Variants in PDIA6 observed in about 807,000 individuals in gnomAD.
The protein encoded by PDIA6 is protein disulfide isomerase family A member 6.
Under a neutral mutation model 58.4 loss-of-function variants are expected in PDIA6, and 29 were observed. The ratio of observed to expected loss-of-function variants is 0.50; its 90% CI spans 0.37 to 0.68. The LOEUF (loss-of-function observed/expected upper bound fraction) is 0.68, where lower values mean the gene tolerates loss of function less well. PDIA6 is among the 30% of genes least tolerant of loss of function. The pLI is 0.00. For missense variants in PDIA6, 480 were observed against 551.0 expected (o/e 0.87, Z 1.29); for synonymous variants, 192 against 202.6 (o/e 0.95, Z 0.44).
upstream of PDIA6, among the ~76,000 whole-genome samples, chr2:10,833,895 G>A (rs1274894492): frequency 6.6e-6 from 1 of 152,228 alleles, no homozygotes; most frequent in Non-Finnish European, 1.5e-5. Context: ...CTGGTTATTG[G>A]AAGCCCCAGA....
At chr2:10,810,747 T>C (rs1666970521) in intron 1 of PDIA6, among the ~76,000 whole-genome samples, 1 of 152,082 alleles carries the variant, frequency 6.6e-6, no homozygotes. Context: ...TCTGAATGCA[T>C]AAAAGTAGCC....
chr2:10,834,366 G>A (rs978114741), upstream of PDIA6, among the ~76,000 whole-genome samples: 2 of 152,224 alleles, frequency 1.3e-5, no homozygotes, highest in African/African-American at 2.4e-5. Flanking sequence ...TTCTGGACAC[G>A]TGTGCCCTTC....
chr2:10,811,718 C>T (rs894633604), intron 1 of PDIA6, among the ~76,000 whole-genome samples: 1 of 152,132 alleles, frequency 6.6e-6, no homozygotes, highest in African/African-American at 2.4e-5. Context: ...AAGGCGAGCC[C>T]GGCAAGGACA....
intron 1 of PDIA6, among the ~76,000 whole-genome samples, chr2:10,806,628 C>CAAAGAAAGAAAAGAAAGAAA (rs142782761): frequency 1.4e-5 from 1 of 70,426 alleles, no homozygotes; most frequent in South Asian, 5.2e-4. Context: ...AAAATAAAGA[C>CAAAGAAAGAAAAGAAAGAAA]AGAAAGAAAG....
Position 10,789,766 on chromosome 2 carries a change from G to A in PDIA6, c.823C>T (p.Pro275Ser). Reference sequence around the variant, plus strand: ...TGGTTTACCTCAAGCAGCTCAGGAGGTGGGGCGTTATCAGAAAACAAATCA... The same window carrying A: ...TGGTTTACCTCAAGCAGCTCAGGAGATGGGGCGTTATCAGAAAACAAATCA... ...ALDLFSDNAP[P>S]PELLEIINED... The change falls in exon 8 of 13, where the codon CCT becomes TCT. Residue 275 changes from proline to serine, a missense_variant. Pro to Ser is a moderately conservative substitution (Grantham distance 74). Transcript: ENST00000272227. The A allele has an allele frequency of 1.2e-6, 2 of 1,613,816 alleles. No homozygotes were observed. The highest frequency in any genetic ancestry group is 1.7e-6 in the Non-Finnish European group (2 of 1,179,856).
At chr2:10,828,516 C>T (rs1476117922) in intron 1 of PDIA6, among the ~76,000 whole-genome samples, 1 of 152,184 alleles carries the variant, frequency 6.6e-6, no homozygotes, top group Admixed American at 6.5e-5. Context: ...GGGTCTGTCT[C>T]CCGCCCTCCT....
intron 10 of PDIA6, 120 bp downstream of exon 10, chr2:10,788,577 A>AAC (rs554326672): frequency 8.2e-6 from 6 of 730,030 alleles, no homozygotes; most frequent in Non-Finnish European, 1.4e-5. Context: ...GGAAAAAAAA[A>AAC]AAAAACATAT....
chr2:10,792,079 T>A (rs1184672214), intron 5 of PDIA6, among the ~76,000 whole-genome samples, 154 bp from the exon 6 acceptor site: 1 of 152,256 alleles, frequency 6.6e-6, no homozygotes, highest in Non-Finnish European at 1.5e-5. Flanking sequence ...ATTGGGTACA[T>A]TCCTCAGCAC....
intron 1 of PDIA6, among the ~76,000 whole-genome samples, chr2:10,806,649 A>AGAAAGAAAGAAAGAAAGAAAGAAAGAAAT (rs1283823871): frequency 7.5e-6 from 1 of 134,184 alleles, no homozygotes; most frequent in South Asian, 2.6e-4. Context: ...AAAGAAAGAA[A>AGAAAGAAAGAAAGAAAGAAAGAAAGAAAT]AACGTTACAG....
intron 11 of PDIA6, among the ~76,000 whole-genome samples, chr2:10,787,057 G>A (rs1265670317): frequency 6.6e-6 from 1 of 152,178 alleles, no homozygotes; most frequent in Non-Finnish European, 1.5e-5. Flanking sequence ...CCCGAGGGTA[G>A]CAATGCTTTC....
intron 1 of PDIA6, among the ~76,000 whole-genome samples, chr2:10,824,244 G>C (rs956932917): frequency 1.3e-5 from 2 of 151,528 alleles, no homozygotes; most frequent in Non-Finnish European, 2.9e-5. Context: ...TTGCTTCATG[G>C]CTGTGTCCTT....
At chr2:10,820,081 A>G (rs1330402097) in intron 1 of PDIA6, among the ~76,000 whole-genome samples, 1 of 152,188 alleles carries the variant, frequency 6.6e-6, no homozygotes, top group Non-Finnish European at 1.5e-5. Flanking sequence ...AAGTGGCCTC[A>G]TTGTCTGGGG....
intron 1 of PDIA6, among the ~76,000 whole-genome samples, chr2:10,812,170 A>C (rs920339748): frequency 6.6e-6 from 1 of 152,156 alleles, no homozygotes; most frequent in South Asian, 2.1e-4. Context: ...TCGGCCTTCC[A>C]AAGTGCTGGG....
chr2:10,791,930 C>A lies in PDIA6; in HGVS notation c.454-5G>T. ...ACTTGAACTATCACTTCTGCCCTGTCATTTATGACATTAAACATCAAACAA... is the reference window on the plus strand; with the variant it reads ...ACTTGAACTATCACTTCTGCCCTGTAATTTATGACATTAAACATCAAACAA... On this transcript the variant is annotated splice_polypyrimidine_tract_variant and splice_region_variant and intron_variant, in intron 5 of 12. Transcript: ENST00000272227. 6.2e-7 allele frequency: 1 copy of A among 1,612,508 alleles called. No individual in the cohort carries two copies. Among genetic ancestry groups the A allele is most frequent in the East Asian group, 2.2e-5 (1 of 44,872 alleles).
At chr2:10,791,240 A>G (rs1382886217) in intron 6 of PDIA6, among the ~76,000 whole-genome samples, 2 of 151,968 alleles carry the variant, frequency 1.3e-5, no homozygotes, top group East Asian at 3.9e-4. Flanking sequence ...GCCTCCCACA[A>G]TCAAGAGATT....
At chr2:10,819,715 G>A (rs778494469) in intron 1 of PDIA6, among the ~76,000 whole-genome samples, 100 of 152,258 alleles carry the variant, frequency 6.6e-4, no homozygotes, top group Non-Finnish European at 9.6e-4. Flanking sequence ...CATCCACTTC[G>A]TAGCCCAGGT....
upstream of PDIA6, chr2:10,832,555 G>A (rs945696653): frequency 1.0e-5 from 4 of 391,970 alleles, no homozygotes; most frequent in Middle Eastern, 1.3e-3. Flanking sequence ...GCGGGGATGC[G>A]TGTGGGATTT....
intron 1 of PDIA6, among the ~76,000 whole-genome samples, chr2:10,812,410 C>T (rs1667038491): frequency 6.6e-6 from 1 of 151,694 alleles, no homozygotes; most frequent in Non-Finnish European, 1.5e-5. Flanking sequence ...CCGCCCGGCC[C>T]TGGACCCCGC....
chr2:10,804,689 T>C (rs1666658292), intron 1 of PDIA6, among the ~76,000 whole-genome samples: 1 of 131,336 alleles, frequency 7.6e-6, no homozygotes, highest in East Asian at 2.1e-4. Context: ...TTTAAAGTAG[T>C]TTTTTCCAAT....
Sources: allele counts gnomAD v4.1 joint callset (sites outside exome capture counted in the v4.1 genomes callset), GRCh38; gene constraint gnomAD v4.1.1; transcripts MANE v1.5; gene names NCBI Gene and HGNC (gene_info 2026-07-23, HGNC 2026-07-21).